Variants in ASB11 observed in about 807,000 individuals in gnomAD.
The protein encoded by ASB11 is ankyrin repeat and SOCS box protein 11.
ASB11 carries 17 observed loss-of-function variants against 20.1 expected under a neutral mutation model. The ratio of observed to expected loss-of-function variants is 0.85; its 90% CI spans 0.58 to 1.27. The LOEUF (loss-of-function observed/expected upper bound fraction) is 1.27. Ranked by LOEUF, ASB11 falls within the 50% of genes most tolerant of loss-of-function variation. ASB11 has a pLI of 0.00. For missense variants in ASB11, 259 were observed against 256.9 expected (o/e 1.01, Z -0.06); for synonymous variants, 107 against 105.6 (o/e 1.01, Z -0.08).
intron 1 of ASB11, among the ~76,000 whole-genome samples, chrX:15,305,423 G>A (rs1448761154): frequency 9.0e-6 from 1 of 111,438 alleles, no homozygotes; most frequent in Non-Finnish European, 1.9e-5. Flanking sequence ...GACGAAACGC[G>A]CTATCTAAAG....
At chrX:15,310,337 G>A (rs1019791312) in intron 1 of ASB11, among the ~76,000 whole-genome samples, 4 of 112,164 alleles carry the variant, frequency 3.6e-5, no homozygotes, top group Non-Finnish European at 7.5e-5. Flanking sequence ...TCTCTTCTAA[G>A]GCAATCTATT....
At chrX:15,308,435 C>G (rs1042149655) in intron 1 of ASB11, among the ~76,000 whole-genome samples, 5 of 111,444 alleles carry the variant, frequency 4.5e-5, no homozygotes, top group African/African-American at 9.8e-5. Context: ...AATTCTCTTC[C>G]TCATATTCAT....
intron 1 of ASB11, among the ~76,000 whole-genome samples, chrX:15,305,555 G>T (rs973766714): frequency 9.2e-6 from 1 of 108,390 alleles, no homozygotes; most frequent in Non-Finnish European, 1.9e-5. Flanking sequence ...CTTTTCTGTC[G>T]GCTGAAATTA....
chrX:15,284,796 A>T (rs1471199594), intron 6 of ASB11, among the ~76,000 whole-genome samples: 1 of 112,166 alleles, frequency 8.9e-6, no homozygotes, highest in African/African-American at 3.2e-5. Flanking sequence ...TTATCAGTAA[A>T]GATCTCTTCA....
At chrX:15,284,727 G>C (rs1380026468) in intron 6 of ASB11, among the ~76,000 whole-genome samples, 1 of 111,680 alleles carries the variant, frequency 9.0e-6, no homozygotes, top group Non-Finnish European at 1.9e-5. Flanking sequence ...GGTTGAATAG[G>C]ATGAATGAGC....
At chrX:15,307,911 C>T (rs1476102212) in intron 1 of ASB11, among the ~76,000 whole-genome samples, 1 of 112,229 alleles carries the variant, frequency 8.9e-6, no homozygotes, top group Non-Finnish European at 1.9e-5. Context: ...CACAGACTAG[C>T]CCTCTTTCTA....
chrX:15,291,680 C>T (rs975533996), intron 4 of ASB11, among the ~76,000 whole-genome samples: 21 of 104,741 alleles, frequency 2.0e-4, no homozygotes, highest in African/African-American at 7.0e-4. Context: ...GCACTCCAGC[C>T]TGTGAGACAG....
chrX:15,301,168 G>A (rs779593224), intron 2 of ASB11, among the ~76,000 whole-genome samples: 1 of 111,091 alleles, frequency 9.0e-6, no homozygotes, highest in South Asian at 3.8e-4. Flanking sequence ...TCACCATGTT[G>A]CCCAGGCTGG....
chrX:15,310,177 A>T (rs1238279149), intron 1 of ASB11, among the ~76,000 whole-genome samples: 1 of 109,251 alleles, frequency 9.2e-6, no homozygotes, highest in Admixed American at 9.9e-5. Context: ...AGAGTCTCTC[A>T]CTCTTACCAT....
Position 15,283,715 on chromosome X carries a change from A to C in ASB11, c.848-86T>G. 9 of 1,068,114 alleles carry C rather than the reference A, an allele frequency of 8.4e-6. No homozygotes were observed. In the South Asian group the frequency reaches 1.7e-4, roughly 21 times the overall value. The allele number at this position is 1,068,114 out of a possible 1,213,427, so 88.0% of individuals were successfully genotyped here. A position where few individuals can be genotyped will look rare whatever the true frequency, so the allele number is the denominator to read the frequency against. ...AAATCAGAGAACTGGAAGAGGCGGA[A>C]ATTTTCTAAAAGCAGAAGAGAAGCT... On this transcript the variant is annotated intron_variant, in intron 6 of 6. Coordinates refer to ENST00000480796, the MANE Select transcript of ASB11 (RefSeq NM_080873.3).
Position 15,283,684 on chromosome X carries a change from A to AG in ASB11, c.848-56dup, listed in dbSNP as rs1391351799. ...TCATAGTGGTGGGAGGTGGGGTGGA[A>AG]GGGGGAAATCAGAGAACTGGAAGAG... On this transcript the variant is annotated intron_variant, in intron 6 of 6. Transcript: ENST00000480796. The AG allele has an allele frequency of 7.0e-5, 58 of 824,701 alleles. 1 individual carries two copies. The African/African-American group carries it at 1.1e-3, about 16-fold the overall frequency. The allele number at this position is 824,701 out of a possible 1,213,427, so 68.0% of individuals were successfully genotyped here. A position where few individuals can be genotyped will look rare whatever the true frequency, so the allele number is the denominator to read the frequency against.
At chrX:15,288,508 A>G (rs1189770985) in intron 5 of ASB11, among the ~76,000 whole-genome samples, 1 of 112,151 alleles carries the variant, frequency 8.9e-6, no homozygotes, top group African/African-American at 3.2e-5. Context: ...AAAATTCACA[A>G]CTAAAGGTTT....
At chrX:15,293,644 T>C (rs1259364834) in intron 3 of ASB11, among the ~76,000 whole-genome samples, 2 of 111,483 alleles carry the variant, frequency 1.8e-5, no homozygotes, top group African/African-American at 6.5e-5. Flanking sequence ...GGTCCCAAAA[T>C]CCATGCTTAC....
At chrX:15,284,268 AAAG>A (rs1363744079) in intron 6 of ASB11, among the ~76,000 whole-genome samples, 4 of 102,106 alleles carry the variant, frequency 3.9e-5, no homozygotes, top group African/African-American at 1.1e-4. Flanking sequence ...AAAAAAAAAA[AAAG>A]AAAGAAAGAA....
chrX:15,297,861 G>A (rs1305806768), intron 2 of ASB11, among the ~76,000 whole-genome samples, 180 bp from the exon 3 acceptor site: 1 of 112,343 alleles, frequency 8.9e-6, no homozygotes, highest in Non-Finnish European at 1.9e-5. Flanking sequence ...CTGCATTAGT[G>A]ATAGCAATGA....
chrX:15,298,338 T>C (rs1359403780), intron 2 of ASB11, among the ~76,000 whole-genome samples: 1 of 110,904 alleles, frequency 9.0e-6, no homozygotes, highest in South Asian at 3.8e-4. Flanking sequence ...AACAGGAAGT[T>C]ATTTCCTGTT....
Position 15,282,787 on chromosome X carries a change from A to G in ASB11, c.*718T>C, listed in dbSNP as rs994768148. ...AACTACAATGTTTCTGAAGTCCTTA[A>G]CTTTATATATGTATATATATATAAA... On this transcript the variant is annotated 3_prime_UTR_variant, in exon 7 of 7. Transcript: ENST00000480796. 7 of 108,035 alleles carry G rather than the reference A, an allele frequency of 6.5e-5. No homozygotes were observed. The highest frequency in any genetic ancestry group is 1.3e-4 in the Non-Finnish European group (7 of 52,406). 8.9% of individuals were successfully genotyped at this position (108,035 alleles called of 1,213,427 possible).
At chrX:15,296,886 G>A (rs758588499) in intron 3 of ASB11, among the ~76,000 whole-genome samples, 2 of 112,068 alleles carry the variant, frequency 1.8e-5, no homozygotes, top group African/African-American at 3.2e-5. Context: ...CAGAAGAAAG[G>A]AAAACAGTAT....
intron 5 of ASB11, 68 bp downstream of exon 5, chrX:15,289,436 C>T: frequency 9.5e-7 from 1 of 1,054,003 alleles, no homozygotes; most frequent in Non-Finnish European, 1.3e-6. Context: ...ACAAGAACTT[C>T]ATCTTTGAAG....
Sources: allele counts gnomAD v4.1 joint callset (sites outside exome capture counted in the v4.1 genomes callset), GRCh38; gene constraint gnomAD v4.1.1; transcripts MANE v1.5; gene names NCBI Gene and HGNC (gene_info 2026-07-23, HGNC 2026-07-21).